Variants in NEK10 observed in about 807,000 individuals in gnomAD.
NEK10 encodes the protein serine/threonine-protein kinase Nek10.
Under a neutral mutation model 159.8 loss-of-function variants are expected in NEK10, and 122 were observed. That is an observed-to-expected ratio of 0.76 (90% CI 0.66 to 0.89). The LOEUF (loss-of-function observed/expected upper bound fraction) is 0.89. Among genes scored for constraint, NEK10 ranks in the 40% least tolerant of loss-of-function variants. The probability of loss-of-function intolerance (pLI) is 0.00; values close to 1 mark genes in which losing one functional copy is unlikely to be tolerated. For synonymous variants in NEK10, 466 were observed against 457.1 expected, an observed-to-expected ratio of 1.02 and a Z score of -0.25; for missense variants, 1,342 against 1,323.1, an observed-to-expected ratio of 1.01 and a Z score of -0.22.
chr3:27,137,085 A>G (rs1943292734), intron 31 of NEK10, among the ~76,000 whole-genome samples: 1 of 152,164 alleles, frequency 6.6e-6, no homozygotes, highest in South Asian at 2.1e-4. Flanking sequence ...TTTTATTTGA[A>G]AGTCATTGAC....
intron 5 of NEK10, among the ~76,000 whole-genome samples, chr3:27,323,218 G>T (rs1478382746): frequency 6.6e-6 from 1 of 152,160 alleles, no homozygotes; most frequent in Non-Finnish European, 1.5e-5. Flanking sequence ...GAACAGTGGG[G>T]CTCTGGAATG....
At chr3:27,256,508 G>A (rs1158534805) in intron 22 of NEK10, 137 bp from the exon 23 acceptor site, 4 of 415,872 alleles carry the variant, frequency 9.6e-6, no homozygotes, top group African/African-American at 2.1e-5. Context: ...TATATATTTT[G>A]ATATAATGAG....
At chr3:27,153,567 C>A (rs1478684670) in intron 30 of NEK10, among the ~76,000 whole-genome samples, 1 of 152,082 alleles carries the variant, frequency 6.6e-6, no homozygotes, top group African/African-American at 2.4e-5. Context: ...ATAAAATGAG[C>A]CTCAATAAAT....
rs367695796 is a variant in NEK10 at position 27,230,424 on chromosome 3, G to T, written c.2090+25872C>A. On this transcript the variant is annotated intron_variant, in intron 23 of 35. Coordinates refer to ENST00000691995, the MANE Select transcript of NEK10 (RefSeq NM_001394966.1). Reference sequence around the variant, plus strand: ...TGCACCAAAATAGAACCACCTTAAAGCATACATCTCAGAGGGCCTATAAAA... The same window carrying T: ...TGCACCAAAATAGAACCACCTTAAATCATACATCTCAGAGGGCCTATAAAA... 9.8e-4 allele frequency among the ~76,000 whole-genome samples: 149 copies of T among 152,026 alleles called. 2 individuals carry two copies. The South Asian group carries it at 0.014, about 15-fold the overall frequency.
In NEK10 at chr3:27,174,543, C is replaced by T. The variant is rs1947317145; in HGVS notation, c.2690-18G>A. The T allele has an allele frequency of 6.2e-7, 1 of 1,600,396 alleles. No individual in the cohort carries two copies. The highest frequency in any genetic ancestry group is 8.5e-7 in the Non-Finnish European group (1 of 1,176,164). On this transcript the variant is annotated intron_variant, in intron 27 of 35. Coordinates refer to ENST00000691995, the MANE Select transcript of NEK10 (RefSeq NM_001394966.1). ...ATATGTATCTGCACATTAATAAAAA[C>T]AATAAAAAAGCAAATGAGTCTTGAA...
chr3:27,192,270 C>T (rs1949186140), intron 25 of NEK10, 28 bp from the exon 26 acceptor site: 3 of 1,563,724 alleles, frequency 1.9e-6, no homozygotes, highest in East Asian at 4.5e-5. Flanking sequence ...AATTATAACA[C>T]TCTGGTCAAT....
intron 23 of NEK10, among the ~76,000 whole-genome samples, chr3:27,235,039 TGCTGGGATCACTG>T (rs1353807689): frequency 1.3e-5 from 2 of 152,058 alleles, no homozygotes; most frequent in Admixed American, 1.3e-4. Flanking sequence ...TAATAAATGG[TGCTGGGATCACTG>T]GCTAGCCACA....
intron 23 of NEK10, among the ~76,000 whole-genome samples, chr3:27,230,209 C>T (rs1953094162): frequency 6.6e-6 from 1 of 152,038 alleles, no homozygotes; most frequent in African/African-American, 2.4e-5. Context: ...GATTGGGATC[C>T]TATCTTTAGC....
Position 27,311,002 on chromosome 3 carries a change from GT to G in NEK10, c.582del (p.Lys194AsnfsTer21). 1 of 1,610,454 alleles carries G rather than the reference GT, an allele frequency of 6.2e-7. No individual in the cohort carries two copies. The highest frequency in any genetic ancestry group is 8.5e-7 in the Non-Finnish European group (1 of 1,176,862). ...TCTCTTTGATCTTTGACTGCAGCAA[GT>G]TTTTGAAAAATATCTATAAAGGAAA... ...KLVNMTYIFQ[K>X]LAAVKDQREW... On this transcript the variant is annotated frameshift_variant, in exon 9 of 36. Transcript: ENST00000691995. LOFTEE classifies it high-confidence loss of function.
chr3:27,181,927 T>C (rs1187581614), intron 26 of NEK10, among the ~76,000 whole-genome samples: 2 of 152,182 alleles, frequency 1.3e-5, no homozygotes, highest in African/African-American at 2.4e-5. Context: ...ATTGTAGGTA[T>C]GATTTTTTGA....
intron 1 of NEK10, among the ~76,000 whole-genome samples, chr3:27,357,676 G>C (rs544027047): frequency 1.1e-3 from 161 of 152,286 alleles, no homozygotes; most frequent in African/African-American, 3.6e-3. Flanking sequence ...ATCTGCTCAT[G>C]GACCAGTGAC....
chr3:27,335,275 G>T (rs929496509), intron 5 of NEK10, among the ~76,000 whole-genome samples: 1 of 151,498 alleles, frequency 6.6e-6, no homozygotes, highest in African/African-American at 2.4e-5. Flanking sequence ...GGGAGTTGGA[G>T]GTTGCAGTGA....
At chr3:27,216,826 T>C (rs995562956) in intron 23 of NEK10, among the ~76,000 whole-genome samples, 1 of 152,188 alleles carries the variant, frequency 6.6e-6, no homozygotes, top group Non-Finnish European at 1.5e-5. Flanking sequence ...TTTGAGCAAA[T>C]AAATTATTAT....
chr3:27,226,755 T>C (rs1317848819), intron 23 of NEK10, among the ~76,000 whole-genome samples: 3 of 152,096 alleles, frequency 2.0e-5, no homozygotes, highest in African/African-American at 7.2e-5. Context: ...AAAAAAGATA[T>C]ATGAAAAAAT....
chr3:27,157,740 C>T lies in NEK10; in HGVS notation c.2869+4961G>A, dbSNP rs535708791. 4.6e-5 allele frequency among the ~76,000 whole-genome samples: 7 copies of T among 152,248 alleles called. 1 individual carries two copies. The South Asian group carries it at 8.3e-4, about 18-fold the overall frequency. ...TGAGTAAGATGCTATCAAACAGCAT[C>T]GCACGCTACAGAGAAACTTTTGTGA... is the stretch of plus-strand genomic sequence containing the variant. On this transcript the variant is annotated intron_variant, in intron 30 of 35. Coordinates refer to ENST00000691995, the MANE Select transcript of NEK10 (RefSeq NM_001394966.1).
chr3:27,319,306 A>G (rs1196892126), intron 6 of NEK10, among the ~76,000 whole-genome samples: 1 of 152,152 alleles, frequency 6.6e-6, no homozygotes, highest in Non-Finnish European at 1.5e-5. Flanking sequence ...GAAAAACTCT[A>G]AACAATTATA....
At chr3:27,310,433 G>A (rs2149588710) in intron 9 of NEK10, 1 of 152,372 alleles carries the variant, frequency 6.6e-6, no homozygotes, top group Non-Finnish European at 1.5e-5. Context: ...ACTAGAAAGT[G>A]GCTTCCCGGG....
intron 15 of NEK10, among the ~76,000 whole-genome samples, 151 bp from the exon 16 acceptor site, chr3:27,293,803 A>T (rs1204607728): frequency 6.6e-6 from 1 of 152,216 alleles, no homozygotes; most frequent in African/African-American, 2.4e-5. Flanking sequence ...GAAAACAAAA[A>T]ACACCAACAC....
At chr3:27,358,093 C>G (rs2048441511) in intron 1 of NEK10, among the ~76,000 whole-genome samples, 1 of 152,152 alleles carries the variant, frequency 6.6e-6, no homozygotes, top group Non-Finnish European at 1.5e-5. Context: ...AACTTTTGGC[C>G]TTATCTGTAA....
Sources: gnomAD v4.1 joint callset for allele counts (sites outside exome capture counted in the v4.1 genomes callset) on GRCh38, gnomAD v4.1.1 for gene constraint, MANE v1.5 for transcripts, NCBI Gene and HGNC (gene_info 2026-07-23, HGNC 2026-07-21) for gene names.